The following HTR1F variants were observed in gnomAD, a reference collection of about 807,000 sequenced individuals.
HTR1F encodes the protein 5-hydroxytryptamine receptor 1F.
HTR1F carries 17 observed loss-of-function variants against 24.0 expected under a neutral mutation model. The observed-to-expected ratio is 0.71, with a 90% CI of 0.48 to 1.06. The LOEUF is 1.06. Among genes scored for constraint, HTR1F ranks in the 50% least tolerant of loss-of-function variants. The probability of loss-of-function intolerance (pLI) is 0.00; values close to 1 mark genes in which losing one functional copy is unlikely to be tolerated. For missense variants in HTR1F, 391 were observed against 427.8 expected, an observed-to-expected ratio of 0.91 and a Z score of 0.76; for synonymous variants, 186 against 156.8, an observed-to-expected ratio of 1.19 and a Z score of -1.39.
intron 2 of HTR1F, among the ~76,000 whole-genome samples, chr3:87,940,368 G>T (rs1704539205): frequency 6.6e-6 from 1 of 151,994 alleles, no homozygotes; most frequent in South Asian, 2.1e-4. Context: ...AGACAAACAG[G>T]GAGCCAAATC....
intron 2 of HTR1F, among the ~76,000 whole-genome samples, chr3:87,871,051 A>G (rs560732664): frequency 1.3e-5 from 2 of 152,126 alleles, no homozygotes; most frequent in East Asian, 3.9e-4. Flanking sequence ...AAGCAAAATA[A>G]ATATTCAGAA....
At chr3:87,945,981 G>T (rs1199442007) in intron 2 of HTR1F, among the ~76,000 whole-genome samples, 1 of 152,130 alleles carries the variant, frequency 6.6e-6, no homozygotes, top group African/African-American at 2.4e-5. Flanking sequence ...TGGCCTCACG[G>T]ATTACAAGGA....
intron 2 of HTR1F, among the ~76,000 whole-genome samples, chr3:87,863,593 T>A (rs1018541989): frequency 6.6e-6 from 1 of 152,198 alleles, no homozygotes; most frequent in African/African-American, 2.4e-5. Flanking sequence ...CTTATTTCCT[T>A]CTGAGTTTTC....
At chr3:87,880,549 T>A (rs58521812) in intron 2 of HTR1F, among the ~76,000 whole-genome samples, 14,748 of 152,130 alleles carry the variant, frequency 0.097, 793 homozygotes, top group East Asian at 0.16. Flanking sequence ...TAAATTATTT[T>A]CAAAAAATAT....
chr3:87,930,268 C>T (rs1025455871), intron 2 of HTR1F, among the ~76,000 whole-genome samples: 1 of 152,020 alleles, frequency 6.6e-6, no homozygotes, highest in African/African-American at 2.4e-5. Flanking sequence ...TATTTGATGC[C>T]CTCTGTTTCT....
chr3:87,980,423 G>A, intron 2 of HTR1F, among the ~76,000 whole-genome samples: 1 of 152,180 alleles, frequency 6.6e-6, no homozygotes, highest in Admixed American at 6.5e-5. Flanking sequence ...TTCCAAATCT[G>A]GCTAAGTCCA....
chr3:87,855,075 T>C (rs1435978260), intron 2 of HTR1F, among the ~76,000 whole-genome samples: 2 of 152,030 alleles, frequency 1.3e-5, no homozygotes, highest in Non-Finnish European at 2.9e-5. Flanking sequence ...TCTTCATATA[T>C]TCAATGGGCT....
intron 2 of HTR1F, among the ~76,000 whole-genome samples, chr3:87,883,966 A>C (rs1442710358): frequency 6.6e-6 from 1 of 152,222 alleles, no homozygotes; most frequent in East Asian, 1.9e-4. Flanking sequence ...AAGGCAAGCC[A>C]ACATTCAAAT....
chr3:87,946,271 C>T (rs1440429167), intron 2 of HTR1F, among the ~76,000 whole-genome samples: 3 of 152,138 alleles, frequency 2.0e-5, no homozygotes, highest in Non-Finnish European at 4.4e-5. Flanking sequence ...CGAGCAAAAG[C>T]TCAGCTCGAA....
intron 2 of HTR1F, among the ~76,000 whole-genome samples, chr3:87,914,942 TCACCCCCCTAC>T (rs1703860377): frequency 6.6e-6 from 1 of 152,044 alleles, no homozygotes; most frequent in South Asian, 2.1e-4. Flanking sequence ...AGAGTCTATT[TCACCCCCCTAC>T]CACCTCCACT....
chr3:87,891,970 A>G (rs2107307545), intron 2 of HTR1F, among the ~76,000 whole-genome samples: 1 of 152,302 alleles, frequency 6.6e-6, no homozygotes, highest in East Asian at 1.9e-4. Context: ...TGCCAACTCA[A>G]GACACATTTT....
At chr3:87,987,482 A>G (rs1705686947) in intron 2 of HTR1F, among the ~76,000 whole-genome samples, 1 of 151,524 alleles carries the variant, frequency 6.6e-6, no homozygotes, top group African/African-American at 2.4e-5. Context: ...TCCAATACTG[A>G]TTTTAGGAAA....
intron 2 of HTR1F, among the ~76,000 whole-genome samples, chr3:87,882,866 T>A (rs977469172): frequency 4.0e-5 from 6 of 151,768 alleles, no homozygotes; most frequent in Non-Finnish European, 7.4e-5. Flanking sequence ...AATAAAAAAA[T>A]AAAAAATAAA....
rs569916339 is a variant in HTR1F, at chr3:87,916,131, AC to A, written c.-42-74576del. On this transcript the variant is annotated intron_variant, in intron 2 of 2. Transcript: ENST00000319595. ...TAAGCATCATACATGAAGAAAAGATACAGTCTTTTTCAGACAAATGACAAGA... is the reference window on the plus strand; with the variant it reads ...TAAGCATCATACATGAAGAAAAGATAAGTCTTTTTCAGACAAATGACAAGA... 4.2e-4 allele frequency among the ~76,000 whole-genome samples: 64 copies of A among 152,214 alleles called. No homozygotes were observed. The East Asian group carries it at 0.012, about 29-fold the overall frequency.
At chr3:87,912,141 G>T (rs1176545554) in intron 2 of HTR1F, among the ~76,000 whole-genome samples, 2 of 151,762 alleles carry the variant, frequency 1.3e-5, no homozygotes, top group East Asian at 3.9e-4. Context: ...GTTTGCCAAT[G>T]ACATGATTCT....
chr3:87,939,348 G>A (rs951059460), intron 2 of HTR1F, among the ~76,000 whole-genome samples: 3 of 152,162 alleles, frequency 2.0e-5, no homozygotes, highest in African/African-American at 7.2e-5. Context: ...TTTTTGTTGT[G>A]TCTCTGCCAG....
chr3:87,847,853 T>C (rs1704981161), intron 2 of HTR1F, among the ~76,000 whole-genome samples: 1 of 151,910 alleles, frequency 6.6e-6, no homozygotes, highest in Non-Finnish European at 1.5e-5. Flanking sequence ...GTTCTATTCA[T>C]ATTGCTGCAC....
chr3:87,861,925 G>A (rs1268304441), intron 2 of HTR1F, among the ~76,000 whole-genome samples: 3 of 152,098 alleles, frequency 2.0e-5, no homozygotes, highest in African/African-American at 7.2e-5. Context: ...ATATAGCCAT[G>A]TAGGTCCATT....
Position 87,910,801 on chromosome 3 carries a change from A to T in HTR1F, c.-42-79907A>T, listed in dbSNP as rs2107349089. Reference sequence around the variant, plus strand: ...TGGACTCCAGTGCAATAAAAATTGAAATCAATACTTTAAAAATTGCTTAAA... The same window carrying T: ...TGGACTCCAGTGCAATAAAAATTGATATCAATACTTTAAAAATTGCTTAAA... On this transcript the variant is annotated intron_variant, in intron 2 of 2. Coordinates refer to ENST00000319595, the MANE Select transcript of HTR1F (RefSeq NM_001322209.2). Among the ~76,000 whole-genome samples, 3 of 152,266 alleles carry T rather than the reference A, an allele frequency of 2.0e-5. No homozygotes were observed. The South Asian group carries it at 6.2e-4, about 32-fold the overall frequency.
Sources: gnomAD v4.1 joint callset for allele counts (sites outside exome capture counted in the v4.1 genomes callset) on GRCh38, gnomAD v4.1.1 for gene constraint, MANE v1.5 for transcripts, NCBI Gene and HGNC (gene_info 2026-07-23, HGNC 2026-07-21) for gene names.